GSTCD: variants seen among roughly 807,000 people sequenced by gnomAD.
GSTCD encodes glutathione S-transferase C-terminal domain-containing protein.
In GSTCD, 44 loss-of-function variants were observed where a neutral mutation model predicts 68.3. That is an observed-to-expected ratio of 0.64 (90% CI 0.51 to 0.83). The LOEUF (loss-of-function observed/expected upper bound fraction) is 0.83. GSTCD is among the 40% of genes least tolerant of loss of function. The pLI is 0.00. For synonymous variants in GSTCD, 273 were observed against 255.2 expected (o/e 1.07, Z -0.67); for missense variants, 739 against 735.9 (o/e 1.00, Z -0.05).
chr4:105,778,122 T>C (rs1195576119), intron 5 of GSTCD, among the ~76,000 whole-genome samples: 1 of 152,056 alleles, frequency 6.6e-6, no homozygotes, highest in East Asian at 1.9e-4. Context: ...CAAAAAAACA[T>C]TGGAAGCCAA....
chr4:105,744,886 AT>A (rs35662905), intron 5 of GSTCD, among the ~76,000 whole-genome samples: 92,574 of 152,094 alleles, frequency 0.61, 33,828 homozygotes, highest in East Asian at 0.9. Flanking sequence ...GTATAGATCT[AT>A]TAGGAAATAG....
intron 1 of GSTCD, among the ~76,000 whole-genome samples, chr4:105,714,091 T>C (rs1283093481): frequency 2.0e-5 from 3 of 151,740 alleles, no homozygotes; most frequent in Non-Finnish European, 4.4e-5. Context: ...TTTAAAAATA[T>C]ATTAGAACAT....
At chr4:105,794,843 C>T (rs76439341) in intron 5 of GSTCD, among the ~76,000 whole-genome samples, 1,948 of 36,402 alleles carry the variant, frequency 0.054, 16 homozygotes, top group Middle Eastern at 0.1. Flanking sequence ...ATCTATTTAT[C>T]TATCTATCTA....
chr4:105,751,041 T>C (rs4698951), intron 5 of GSTCD, among the ~76,000 whole-genome samples: 32,124 of 152,108 alleles, frequency 0.21, 6,729 homozygotes, highest in African/African-American at 0.54. Flanking sequence ...ACTTTATACA[T>C]GGAATCAAGT....
chr4:105,819,201 T>C (rs1348087911), intron 5 of GSTCD, among the ~76,000 whole-genome samples: 3 of 151,758 alleles, frequency 2.0e-5, no homozygotes, highest in South Asian at 2.1e-4. Flanking sequence ...ACTTCCCCCA[T>C]TGATCTCTCA....
chr4:105,727,344 C>G (rs1446733494), intron 4 of GSTCD, among the ~76,000 whole-genome samples: 2 of 151,652 alleles, frequency 1.3e-5, no homozygotes, highest in African/African-American at 4.8e-5. Context: ...GGCAACATGG[C>G]AAAACCCCAT....
chr4:105,811,198 A>G (rs1309131347), intron 5 of GSTCD, among the ~76,000 whole-genome samples: 1 of 152,138 alleles, frequency 6.6e-6, no homozygotes, highest in South Asian at 2.1e-4. Context: ...TAGAAAAGGT[A>G]TTAATTTTCT....
At position 105,845,115 on chromosome 4, in the gene GSTCD, G is replaced by A. The variant is rs933357064; in HGVS notation, c.1766-326G>A. ...ATAATCTAGTTTTATAGGGAAAGCA[G>A]AGAAAAGGTCTTTAAATGTATTTTT... is the stretch of plus-strand genomic sequence containing the variant. On this transcript the variant is annotated intron_variant, in intron 11 of 11. Transcript: ENST00000515279. 9.8e-5 allele frequency among the ~76,000 whole-genome samples: 15 copies of A among 152,286 alleles called. No homozygotes were observed. In the South Asian group the frequency reaches 2.7e-3, roughly 27 times the overall value.
At chr4:105,743,113 C>CTAATT (rs1733686623) in intron 5 of GSTCD, among the ~76,000 whole-genome samples, 1 of 151,888 alleles carries the variant, frequency 6.6e-6, no homozygotes, top group Admixed American at 6.6e-5. Context: ...CCACGCCTGG[C>CTAATT]TAATTTTTTT....
intron 3 of GSTCD, among the ~76,000 whole-genome samples, chr4:105,722,750 C>G (rs942084216): frequency 6.6e-5 from 10 of 150,454 alleles, no homozygotes; most frequent in Admixed American, 4.6e-4. Flanking sequence ...TTTTTTAAAC[C>G]TTTGTTTTAA....
chr4:105,768,713 G>A (rs549129286), intron 5 of GSTCD, among the ~76,000 whole-genome samples: 24 of 151,768 alleles, frequency 1.6e-4, no homozygotes, highest in African/African-American at 5.8e-4. Flanking sequence ...AAAATATGCT[G>A]ATTTTTACTT....
intron 5 of GSTCD, among the ~76,000 whole-genome samples, chr4:105,809,764 T>C (rs556893589): frequency 5.9e-5 from 9 of 152,146 alleles, no homozygotes; most frequent in Non-Finnish European, 1.3e-4. Context: ...GGTTTTTTTT[T>C]TTCCACTTTC....
intron 5 of GSTCD, among the ~76,000 whole-genome samples, chr4:105,812,787 A>G (rs1722808524): frequency 6.6e-6 from 1 of 152,318 alleles, no homozygotes; most frequent in Middle Eastern, 3.4e-3. Flanking sequence ...TGAAATAAAT[A>G]TATTATCAAA....
At chr4:105,783,948 A>AT (rs1735371954) in intron 5 of GSTCD, among the ~76,000 whole-genome samples, 1 of 152,204 alleles carries the variant, frequency 6.6e-6, no homozygotes, top group South Asian at 2.1e-4. Flanking sequence ...GATTAGATTC[A>AT]TATTATGGAT....
At chr4:105,767,852 G>A (rs1040835210) in intron 5 of GSTCD, among the ~76,000 whole-genome samples, 3 of 151,970 alleles carry the variant, frequency 2.0e-5, no homozygotes, top group Non-Finnish European at 4.4e-5. Context: ...CCTTAGAACT[G>A]GGGTTTGGGG....
intron 5 of GSTCD, chr4:105,821,086 A>G (rs1723263751): frequency 6.6e-6 from 1 of 151,800 alleles, no homozygotes; most frequent in Non-Finnish European, 1.5e-5. Flanking sequence ...TAATGGCAGT[A>G]TTTTTTACTC....
chr4:105,736,116 ATAGT>A (rs1421196172), intron 5 of GSTCD, among the ~76,000 whole-genome samples: 1 of 152,084 alleles, frequency 6.6e-6, no homozygotes, highest in East Asian at 1.9e-4. Context: ...TTTTTTAAAC[ATAGT>A]TATTTTATAT....
At chr4:105,792,841 G>T (rs2544429) in intron 5 of GSTCD, among the ~76,000 whole-genome samples, 133,059 of 151,988 alleles carry the variant, frequency 0.88, 58,612 homozygotes, top group East Asian at 0.96. Context: ...TTAAATTCCC[G>T]CTACATCATT....
chr4:105,826,702 T>C (rs1436834752), intron 8 of GSTCD, among the ~76,000 whole-genome samples: 1 of 152,146 alleles, frequency 6.6e-6, no homozygotes, highest in Non-Finnish European at 1.5e-5. Context: ...AATCATACTT[T>C]TTTTTCTCAT....
Sources: allele counts gnomAD v4.1 joint callset (sites outside exome capture counted in the v4.1 genomes callset), GRCh38; gene constraint gnomAD v4.1.1; transcripts MANE v1.5; gene names NCBI Gene and HGNC (gene_info 2026-07-23, HGNC 2026-07-21).